The following CTNNA3 variants were observed in gnomAD, a reference collection of about 807,000 sequenced individuals.
CTNNA3 encodes the protein catenin alpha 3, also known as catenin alpha-3.
Under a neutral mutation model 95.7 loss-of-function variants are expected in CTNNA3, and 76 were observed. The ratio of observed to expected loss-of-function variants is 0.79; its 90% CI spans 0.66 to 0.96. CTNNA3 has a LOEUF of 0.96. CTNNA3 is among the 40% of genes least tolerant of loss of function. The pLI, the probability that CTNNA3 is intolerant of heterozygous loss-of-function variation, is 0.00. For synonymous variants in CTNNA3, 431 were observed against 374.4 expected (o/e 1.15, Z -1.74); for missense variants, 1,191 against 1,089.8 (o/e 1.09, Z -1.31).
chr10:66,438,172 G>T (rs1201066720), intron 11 of CTNNA3, among the ~76,000 whole-genome samples: 2 of 152,206 alleles, frequency 1.3e-5, no homozygotes, highest in Non-Finnish European at 1.5e-5. Context: ...GGAGGCACCG[G>T]GTTCAGGGAC....
chr10:66,247,577 A>T (rs767087811), intron 13 of CTNNA3, among the ~76,000 whole-genome samples: 15 of 152,358 alleles, frequency 9.8e-5, no homozygotes, highest in Non-Finnish European at 1.9e-4. Context: ...GAAAATAAAA[A>T]AAGGATCATA....
At chr10:66,649,017 C>A (rs1845803727) in intron 9 of CTNNA3, among the ~76,000 whole-genome samples, 1 of 152,090 alleles carries the variant, frequency 6.6e-6, no homozygotes, top group Non-Finnish European at 1.5e-5. Flanking sequence ...CTAACATAGG[C>A]AGTAGAAAAA....
chr10:66,818,148 T>C (rs1589289819), intron 7 of CTNNA3, among the ~76,000 whole-genome samples: 1 of 150,038 alleles, frequency 6.7e-6, no homozygotes, highest in Non-Finnish European at 1.5e-5. Flanking sequence ...ATCTGATAAA[T>C]GGTATCTACA....
At chr10:67,575,280 C>G (rs1461685859) in intron 3 of CTNNA3, among the ~76,000 whole-genome samples, 1 of 152,068 alleles carries the variant, frequency 6.6e-6, no homozygotes, top group East Asian at 1.9e-4. Flanking sequence ...GTGAAGTCTT[C>G]TTCTTTTTTT....
At chr10:66,617,827 A>T (rs939503923) in intron 10 of CTNNA3, among the ~76,000 whole-genome samples, 11 of 151,928 alleles carry the variant, frequency 7.2e-5, no homozygotes, top group South Asian at 4.2e-4. Flanking sequence ...GTCTCAGCCC[A>T]AAATCTCCTT....
At chr10:66,245,808 C>G (rs1326574580) in intron 13 of CTNNA3, among the ~76,000 whole-genome samples, 1 of 152,198 alleles carries the variant, frequency 6.6e-6, no homozygotes, top group Admixed American at 6.5e-5. Context: ...AAGTGGGCAG[C>G]TCCTCTCAGG....
At chr10:67,433,208 G>A (rs1036660212) in intron 5 of CTNNA3, among the ~76,000 whole-genome samples, 1 of 151,938 alleles carries the variant, frequency 6.6e-6, no homozygotes, top group Non-Finnish European at 1.5e-5. Context: ...CAATGATTTT[G>A]TACTTCAGGT....
At position 65,949,732 on chromosome 10, in the gene CTNNA3, C is replaced by T. The variant is rs191310796; in HGVS notation, c.2400+16880G>A. Reference sequence around the variant, plus strand: ...CTGAGCTTTATATCCTTCTCTCAGTCAGTTATTAGCGATTGGTTGTCAGAG... The same window carrying T: ...CTGAGCTTTATATCCTTCTCTCAGTTAGTTATTAGCGATTGGTTGTCAGAG... On this transcript the variant is annotated intron_variant, in intron 17 of 17. Coordinates refer to ENST00000433211, the MANE Select transcript of CTNNA3 (RefSeq NM_013266.4). 2.5e-3 allele frequency among the ~76,000 whole-genome samples: 387 copies of T among 152,236 alleles called. 4 individuals carry two copies. The highest frequency in any genetic ancestry group is 8.4e-3 in the African/African-American group (349 of 41,556).
intron 9 of CTNNA3, among the ~76,000 whole-genome samples, chr10:66,714,083 A>T (rs1235012401): frequency 1.3e-5 from 2 of 152,168 alleles, no homozygotes; most frequent in Non-Finnish European, 2.9e-5. Flanking sequence ...GGCACTCTCC[A>T]AAGAGGAGAC....
chr10:66,828,665 G>A (rs957746465), intron 7 of CTNNA3, among the ~76,000 whole-genome samples: 4 of 152,080 alleles, frequency 2.6e-5, no homozygotes, highest in Non-Finnish European at 4.4e-5. Flanking sequence ...ATTTTAAAAC[G>A]CTTAAGTGTT....
intron 12 of CTNNA3, among the ~76,000 whole-genome samples, chr10:66,367,868 A>C (rs3935848): frequency 1.2e-5 from 1 of 84,188 alleles, no homozygotes; most frequent in African/African-American, 3.6e-5. Context: ...TAATAATAAT[A>C]ATAATAATAA....
At position 66,741,330 on chromosome 10, in the gene CTNNA3, G is replaced by T. The variant is rs143752536; in HGVS notation, c.1281+24934C>A. ...ACACAGATGTATCATTGCATAGGGGGCAGGTAAGTCAAAATACAAAGTCTA... is the reference window on the plus strand; with the variant it reads ...ACACAGATGTATCATTGCATAGGGGTCAGGTAAGTCAAAATACAAAGTCTA... On this transcript the variant is annotated intron_variant, in intron 9 of 17. Transcript: ENST00000433211. Among the ~76,000 whole-genome samples the T allele has an allele frequency of 3.7e-3, 565 of 152,236 alleles. 1 individual carries two copies. Among genetic ancestry groups the T allele is most frequent in the Non-Finnish European group, 5.9e-3 (400 of 68,016 alleles).
intron 15 of CTNNA3, among the ~76,000 whole-genome samples, chr10:65,999,927 CA>C (rs34353272): frequency 0.16 from 20,799 of 127,662 alleles, 1,588 homozygotes; most frequent in South Asian, 0.29. Context: ...CAATAATAAT[CA>C]AAAAAAAAAA....
chr10:67,738,117 G>C (rs559352586), intron 1 of CTNNA3, among the ~76,000 whole-genome samples: 1 of 152,296 alleles, frequency 6.6e-6, no homozygotes, highest in East Asian at 1.9e-4. Flanking sequence ...CAGCCCAACA[G>C]AAGAGTGACC....
At chr10:66,390,068 TC>T (rs1401890390) in intron 11 of CTNNA3, among the ~76,000 whole-genome samples, 1 of 152,170 alleles carries the variant, frequency 6.6e-6, no homozygotes, top group Non-Finnish European at 1.5e-5. Context: ...AATTTAAAGG[TC>T]AAATCTATTG....
At position 66,815,592 on chromosome 10, in the gene CTNNA3, G is replaced by A. The variant is rs575303325; in HGVS notation, c.1048-40068C>T. The stretch of plus-strand genomic sequence containing the variant: ...GACATGATTTGAAATGTCAGCCCAC[G>A]TGAACAGTGTCTTCCCCTAGGTATA... On this transcript the variant is annotated intron_variant, in intron 7 of 17. Transcript: ENST00000433211. 7.4e-4 allele frequency among the ~76,000 whole-genome samples: 112 copies of A among 152,178 alleles called. 1 individual carries two copies. The Middle Eastern group carries it at 0.017, about 23-fold the overall frequency.
intron 1 of CTNNA3, among the ~76,000 whole-genome samples, chr10:67,684,803 C>T (rs1190638915): frequency 7.9e-5 from 12 of 152,010 alleles, no homozygotes; most frequent in Admixed American, 2.0e-4. Context: ...ATACAGGGCC[C>T]GAAGGTGAGT....
chr10:67,019,937 A>G (rs949851778), intron 7 of CTNNA3, among the ~76,000 whole-genome samples: 1 of 152,222 alleles, frequency 6.6e-6, no homozygotes, highest in Non-Finnish European at 1.5e-5. Flanking sequence ...TTATGAAATA[A>G]GAACGTCACT....
chr10:66,793,593 A>G (rs2132211351), intron 7 of CTNNA3, among the ~76,000 whole-genome samples: 1 of 152,294 alleles, frequency 6.6e-6, no homozygotes, highest in Admixed American at 6.5e-5. Flanking sequence ...CTAGTTTAGT[A>G]GCCACTCTGA....
Sources: gnomAD v4.1 joint callset for allele counts (sites outside exome capture counted in the v4.1 genomes callset) on GRCh38, gnomAD v4.1.1 for gene constraint, MANE v1.5 for transcripts, NCBI Gene and HGNC (gene_info 2026-07-23, HGNC 2026-07-21) for gene names.